FA2H: variants seen among roughly 807,000 people sequenced by gnomAD.
FA2H encodes the protein fatty acid alpha-hydroxylase.
FA2H carries 22 observed loss-of-function variants against 44.9 expected under a neutral mutation model. That is an observed-to-expected ratio of 0.49 (90% CI 0.35 to 0.70). The LOEUF is 0.70. FA2H is among the 30% of genes least tolerant of loss of function. The pLI, the probability that FA2H is intolerant of heterozygous loss-of-function variation, is 0.01. For synonymous variants in FA2H, 243 were observed against 213.2 expected, an observed-to-expected ratio of 1.14 and a Z score of -1.22; for missense variants, 501 against 504.9, an observed-to-expected ratio of 0.99 and a Z score of 0.07.
chr16:74,737,628 A>G (rs1333284339), intron 2 of FA2H, among the ~76,000 whole-genome samples: 2 of 152,132 alleles, frequency 1.3e-5, no homozygotes, highest in African/African-American at 4.8e-5. Flanking sequence ...TTCTAGGGCC[A>G]GGGAAACTGG....
intron 1 of FA2H, among the ~76,000 whole-genome samples, chr16:74,748,788 G>A (rs572744438): frequency 2.6e-5 from 4 of 152,354 alleles, no homozygotes; most frequent in South Asian, 2.1e-4. Flanking sequence ...GGGGGCGGGG[G>A]CGCCGGCATA....
At chr16:74,736,112 G>A (rs571678571) in intron 2 of FA2H, among the ~76,000 whole-genome samples, 3 of 152,332 alleles carry the variant, frequency 2.0e-5, no homozygotes, top group African/African-American at 7.2e-5. Flanking sequence ...GAAGCAGAGG[G>A]CAGTGCCCAG....
chr16:74,748,101 T>TTC (rs931868869), intron 1 of FA2H, among the ~76,000 whole-genome samples: 2 of 152,050 alleles, frequency 1.3e-5, no homozygotes, highest in Admixed American at 1.3e-4. Flanking sequence ...GGGACAGGCA[T>TTC]TCAAATAGGA....
chr16:74,745,557 G>A (rs1456101382), intron 1 of FA2H, among the ~76,000 whole-genome samples: 2 of 152,228 alleles, frequency 1.3e-5, no homozygotes, highest in South Asian at 2.1e-4. Context: ...GGGTCAGCAG[G>A]CACTGCTCAT....
rs57773726 is a variant in FA2H, at chr16:74,741,773, AATATATATATATATATAT to A, written c.271-1676_271-1659del. ...ACCGTGCTGGGCCAACACCTGATTA[AATATATATATATATATAT>A]ATATATATATATATATATGTGTGTG... On this transcript the variant is annotated intron_variant, in intron 1 of 6. Coordinates refer to ENST00000219368, the MANE Select transcript of FA2H (RefSeq NM_024306.5). Among the ~76,000 whole-genome samples, 131 of 48,064 alleles carry A rather than the reference AATATATATATATATATAT, an allele frequency of 2.7e-3. 3 individuals are homozygous for A. Among genetic ancestry groups the A allele is most frequent in the Non-Finnish European group, 3.3e-3 (90 of 27,644 alleles). 31.5% of individuals were successfully genotyped at this position (48,064 alleles called of 152,430 possible). A position where few individuals can be genotyped will look rare whatever the true frequency, so the allele number is the denominator to read the frequency against.
chr16:74,773,164 C>G (rs1015299526), intron 1 of FA2H, among the ~76,000 whole-genome samples: 4 of 152,154 alleles, frequency 2.6e-5, no homozygotes, highest in African/African-American at 9.7e-5. Context: ...ATGTCAGCCA[C>G]TTTGCCTGGC....
chr16:74,740,263 G>GA, intron 1 of FA2H, 148 bp from the exon 2 acceptor site: 1 of 714,950 alleles, frequency 1.4e-6, no homozygotes, highest in South Asian at 1.4e-5. Context: ...GGGTACTTTG[G>GA]AAAACAGAGA....
intron 1 of FA2H, among the ~76,000 whole-genome samples, chr16:74,759,113 T>C (rs1184753330): frequency 6.6e-6 from 1 of 152,228 alleles, no homozygotes; most frequent in Non-Finnish European, 1.5e-5. Context: ...ACATTCTTTA[T>C]ACTCTTATCC....
intron 1 of FA2H, among the ~76,000 whole-genome samples, chr16:74,761,295 A>C (rs987684225): frequency 6.6e-6 from 1 of 152,132 alleles, no homozygotes; most frequent in Non-Finnish European, 1.5e-5. Context: ...TCTACTAAAA[A>C]TACAAAAATT....
At chr16:74,765,645 G>A (rs528836453) in intron 1 of FA2H, among the ~76,000 whole-genome samples, 25 of 152,194 alleles carry the variant, frequency 1.6e-4, no homozygotes, top group Non-Finnish European at 3.2e-4. Context: ...ACGGCTCACT[G>A]CAGCCTTGAC....
At chr16:74,761,699 G>A (rs995958536) in intron 1 of FA2H, among the ~76,000 whole-genome samples, 1 of 152,086 alleles carries the variant, frequency 6.6e-6, no homozygotes, top group African/African-American at 2.4e-5. Context: ...TGCCCATCTA[G>A]GCAAAGTGTT....
At chr16:74,750,790 T>TGTGTGTGTGTGTGTGTGTGTG (rs1555540831) in intron 1 of FA2H, among the ~76,000 whole-genome samples, 4 of 151,368 alleles carry the variant, frequency 2.6e-5, no homozygotes, top group Admixed American at 6.6e-5. Flanking sequence ...TGTGTGTGTG[T>TGTGTGTGTGTGTGTGTGTGTG]TTAAGAGACA....
At chr16:74,751,303 C>G (rs896632747) in intron 1 of FA2H, among the ~76,000 whole-genome samples, 3 of 152,068 alleles carry the variant, frequency 2.0e-5, no homozygotes, top group African/African-American at 7.2e-5. Flanking sequence ...ACTATGTTGC[C>G]CAGGCTGGTC....
intron 6 of FA2H, among the ~76,000 whole-genome samples, chr16:74,714,598 G>A (rs527443439): frequency 1.4e-5 from 2 of 147,414 alleles, no homozygotes; most frequent in African/African-American, 5.1e-5. Context: ...TGCACCAGTC[G>A]CTCTTGGGAC....
intron 6 of FA2H, among the ~76,000 whole-genome samples, 173 bp from the exon 7 acceptor site, chr16:74,714,442 G>T (rs987751522): frequency 6.6e-6 from 1 of 152,144 alleles, no homozygotes; most frequent in Non-Finnish European, 1.5e-5. Flanking sequence ...GGGAACCTGT[G>T]TCTTTTATTG....
intron 1 of FA2H, among the ~76,000 whole-genome samples, chr16:74,765,437 A>G (rs1048311087): frequency 6.6e-6 from 1 of 152,132 alleles, no homozygotes; most frequent in African/African-American, 2.4e-5. Context: ...GATTACAGGC[A>G]TGAGCCACCG....
intron 1 of FA2H, among the ~76,000 whole-genome samples, chr16:74,761,458 AAAAGAAAGAAAGAAAGAAAG>A (rs147015393): frequency 1.1e-5 from 1 of 93,596 alleles, no homozygotes; most frequent in Non-Finnish European, 2.2e-5. Flanking sequence ...GTCTCAAAAA[AAAAGAAAGAAAGAAAGAAAG>A]AAAGAAAGAA....
Position 74,713,459 on chromosome 16 carries a change from G to A in FA2H, c.*731C>T, listed in dbSNP as rs1255159607. On this transcript the variant is annotated 3_prime_UTR_variant, in exon 7 of 7. Coordinates refer to ENST00000219368, the MANE Select transcript of FA2H (RefSeq NM_024306.5). ...GAGGCCAAGAATGGCCAGGGACGGG[G>A]TGGGGCTGCCACTGGTGGAGAAGCC... 6.6e-6 allele frequency: 1 copy of A among 152,242 alleles called. No homozygotes were observed. Among genetic ancestry groups the A allele is most frequent in the Non-Finnish European group, 1.5e-5 (1 of 68,070 alleles). The allele number at this position is 152,242 out of a possible 1,614,324, so 9.4% of individuals were successfully genotyped here. A position where few individuals can be genotyped will look rare whatever the true frequency, so the allele number is the denominator to read the frequency against.
chr16:74,771,985 C>G (rs1414076238), intron 1 of FA2H, among the ~76,000 whole-genome samples: 2 of 148,804 alleles, frequency 1.3e-5, no homozygotes, highest in East Asian at 2.0e-4. Context: ...GAGTCTTGCT[C>G]TATTGCCCAG....
Sources: allele counts gnomAD v4.1 joint callset (sites outside exome capture counted in the v4.1 genomes callset), GRCh38; gene constraint gnomAD v4.1.1; transcripts MANE v1.5; gene names NCBI Gene and HGNC (gene_info 2026-07-23, HGNC 2026-07-21).